DNAAF9: variants seen among roughly 807,000 people sequenced by gnomAD.
DNAAF9 encodes the protein shulin.
Under a neutral mutation model 167.0 loss-of-function variants are expected in DNAAF9, and 90 were observed. That is an observed-to-expected ratio of 0.54 (90% CI 0.45 to 0.64). DNAAF9 has a LOEUF of 0.64. Among genes scored for constraint, DNAAF9 ranks in the 30% least tolerant of loss-of-function variants. DNAAF9 has a pLI of 0.00. For synonymous variants in DNAAF9, 491 were observed against 508.8 expected (o/e 0.96, Z 0.47); for missense variants, 1,315 against 1,442.2 (o/e 0.91, Z 1.43).
chr20:3,272,507 G>A (rs867977574), intron 29 of DNAAF9, among the ~76,000 whole-genome samples: 1 of 152,172 alleles, frequency 6.6e-6, no homozygotes, highest in Non-Finnish European at 1.5e-5. Flanking sequence ...GGGATTACGG[G>A]CGTGAGCCAC....
At chr20:3,355,160 C>T (rs975377863) in intron 7 of DNAAF9, among the ~76,000 whole-genome samples, 7 of 152,200 alleles carry the variant, frequency 4.6e-5, no homozygotes, top group African/African-American at 1.7e-4. Flanking sequence ...CTTACATTCT[C>T]TGTATATTTG....
At chr20:3,293,379 G>A (rs1204214818) in intron 25 of DNAAF9, among the ~76,000 whole-genome samples, 1 of 149,120 alleles carries the variant, frequency 6.7e-6, no homozygotes, top group East Asian at 2.0e-4. Flanking sequence ...TGTGAGGCAA[G>A]AGCAGATTAA....
At chr20:3,407,278 G>A (rs1213795356) in intron 1 of DNAAF9, among the ~76,000 whole-genome samples, 197 bp downstream of exon 1, 1 of 152,170 alleles carries the variant, frequency 6.6e-6, no homozygotes, top group African/African-American at 2.4e-5. Flanking sequence ...ACCGTTGCGG[G>A]GTTGTCCAAA....
intron 13 of DNAAF9, among the ~76,000 whole-genome samples, chr20:3,325,983 G>C (rs2069703605): frequency 6.6e-6 from 1 of 151,800 alleles, no homozygotes; most frequent in Admixed American, 6.6e-5. Flanking sequence ...TGTCTACAAA[G>C]AAGCACCGAT....
chr20:3,313,013 G>C (rs1231249133), intron 20 of DNAAF9, among the ~76,000 whole-genome samples: 1 of 152,214 alleles, frequency 6.6e-6, no homozygotes, highest in Non-Finnish European at 1.5e-5. Context: ...ACTGAATCTT[G>C]CTGGATAACT....
At chr20:3,266,938 C>T (rs2068501736) in intron 30 of DNAAF9, among the ~76,000 whole-genome samples, 1 of 151,492 alleles carries the variant, frequency 6.6e-6, no homozygotes, top group Admixed American at 6.6e-5. Context: ...CTGCAAGCTC[C>T]GCCTCCTGGG....
intron 6 of DNAAF9, chr20:3,361,941 A>G (rs2083370261): frequency 1.3e-6 from 2 of 1,526,066 alleles, no homozygotes; most frequent in Non-Finnish European, 1.8e-6. Flanking sequence ...TTTAGACATC[A>G]TTAGGCGCCG....
intron 29 of DNAAF9, among the ~76,000 whole-genome samples, chr20:3,277,960 A>C (rs1048381172): frequency 1.3e-5 from 2 of 152,100 alleles, no homozygotes; most frequent in African/African-American, 2.4e-5. Context: ...TGTGCTGGGG[A>C]CACTGAGTTG....
chr20:3,376,294 T>A lies in DNAAF9; in HGVS notation c.292A>T (p.Ile98Leu), dbSNP rs748964401. ...FSEEVLDDVI[I>L]LIKSDSVHLY... ...TGGACGCTATCCGATTTAATCAATA[T>A]AATTACATCTGTAAGAAAAACAAAA... The change falls in exon 4 of 37, where the codon ATA becomes TTA. Residue 98 changes from isoleucine to leucine, a missense_variant. Ile to Leu is a conservative substitution (Grantham distance 5). This residue lies in a region of DNAAF9 where 981 missense variants were observed against 1,012.5 expected (regional missense o/e 0.97). Transcript: ENST00000252032. The A allele has an allele frequency of 6.2e-7, 1 of 1,601,286 alleles. No homozygotes were observed. The highest frequency in any genetic ancestry group is 8.5e-7 in the Non-Finnish European group (1 of 1,175,174).
At chr20:3,277,106 C>G (rs568613078) in intron 29 of DNAAF9, among the ~76,000 whole-genome samples, 3 of 152,278 alleles carry the variant, frequency 2.0e-5, no homozygotes, top group African/African-American at 7.2e-5. Context: ...CAGCCCCAAG[C>G]ACTCTAGAAT....
intron 31 of DNAAF9, among the ~76,000 whole-genome samples, 200 bp downstream of exon 31, chr20:3,264,238 A>G (rs1369724405): frequency 6.6e-6 from 1 of 152,242 alleles, no homozygotes; most frequent in Non-Finnish European, 1.5e-5. Flanking sequence ...GAAGGCTCGC[A>G]GTTTGGAGCC....
intron 21 of DNAAF9, among the ~76,000 whole-genome samples, chr20:3,299,925 A>G (rs534450126): frequency 1.0e-3 from 157 of 152,258 alleles, no homozygotes; most frequent in Non-Finnish European, 2.0e-3. Flanking sequence ...TTTTTGAGAC[A>G]CAGTTTTCAC....
At chr20:3,349,192 C>CA (rs148023287) in intron 7 of DNAAF9, among the ~76,000 whole-genome samples, 7,142 of 38,452 alleles carry the variant, frequency 0.19, 1,128 homozygotes, top group Non-Finnish European at 0.23. Context: ...TCGTCTCTAC[C>CA]AAAAAAAAAA....
Position 3,296,852 on chromosome 20 carries a change from GC to G in DNAAF9, c.2018+8del. On this transcript the variant is annotated splice_region_variant and intron_variant, in intron 23 of 36. Transcript: ENST00000252032. ...GGAAGCAAGCACAAATACTGAAGCA[GC>G]CACTTACAATCTCTTTTGTTCCACA... 1 of 1,574,896 alleles carries G rather than the reference GC, an allele frequency of 6.3e-7. No individual in the cohort carries two copies. The highest frequency in any genetic ancestry group is 8.7e-7 in the Non-Finnish European group (1 of 1,145,136).
chr20:3,260,967 C>T (rs6051689), intron 31 of DNAAF9, among the ~76,000 whole-genome samples: 93,445 of 152,020 alleles, frequency 0.61, 29,042 homozygotes, highest in East Asian at 0.72. Context: ...AACTATGCCC[C>T]GCCATTTTGT....
rs370304826 is a variant in DNAAF9 at position 3,382,459 on chromosome 20, T to C, written c.131A>G (p.Lys44Arg). 2 of 1,613,836 alleles carry C rather than the reference T, an allele frequency of 1.2e-6. No homozygotes were observed. The highest frequency in any genetic ancestry group is 2.2e-5 in the East Asian group (1 of 44,888). Residue 44 changes from lysine to arginine, a missense_variant, in exon 2 of 37, where the codon AAG (lysine) becomes AGG (arginine). This residue lies in a region of DNAAF9 where 981 missense variants were observed against 1,012.5 expected (regional missense o/e 0.97). Coordinates refer to ENST00000252032, the MANE Select transcript of DNAAF9 (RefSeq NM_001009984.3). ...GCAGAGGATCCCATCCGGCCGAGAC[T>C]TGCTGCTCTGGGTCAGGATGCTCTG... ...QVQSILTQSS[K>R]SRPDGILCIL... is the part of the protein sequence containing the mutation.
chr20:3,388,629 A>T (rs771956341), intron 1 of DNAAF9, among the ~76,000 whole-genome samples: 17 of 152,382 alleles, frequency 1.1e-4, no homozygotes, highest in Non-Finnish European at 2.5e-4. Context: ...GGAAATTCTG[A>T]CACATGCTAC....
intron 1 of DNAAF9, among the ~76,000 whole-genome samples, chr20:3,397,153 G>T (rs1370097884): frequency 2.0e-5 from 3 of 151,832 alleles, no homozygotes; most frequent in African/African-American, 7.3e-5. Context: ...AGGCTGAGTT[G>T]AGAGGATTGC....
chr20:3,388,770 G>C (rs2083785430), intron 1 of DNAAF9, among the ~76,000 whole-genome samples: 2 of 152,156 alleles, frequency 1.3e-5, no homozygotes, highest in Non-Finnish European at 2.9e-5. Flanking sequence ...TAGATAGAAT[G>C]GTGGTTGCCA....
Sources: allele counts gnomAD v4.1 joint callset (sites outside exome capture counted in the v4.1 genomes callset), GRCh38; gene constraint gnomAD v4.1.1; regional missense constraint gnomAD v4.1.1; transcripts MANE v1.5; gene names NCBI Gene and HGNC (gene_info 2026-07-23, HGNC 2026-07-21).